Variants in BBX observed in about 807,000 individuals in gnomAD.
The protein encoded by BBX is BBX high mobility group box domain containing.
In BBX, 30 loss-of-function variants were observed where a neutral mutation model predicts 100.2. The observed-to-expected ratio is 0.30, with a 90% CI of 0.22 to 0.41. The LOEUF (loss-of-function observed/expected upper bound fraction) is 0.41. Among genes scored for constraint, BBX ranks in the 10% least tolerant of loss-of-function variants. The pLI is 1.00. For synonymous variants in BBX, 376 were observed against 388.1 expected (o/e 0.97, Z 0.37); for missense variants, 1,023 against 1,129.8 (o/e 0.91, Z 1.35).
intron 3 of BBX, among the ~76,000 whole-genome samples, chr3:107,687,245 T>G (rs989399267): frequency 6.6e-6 from 1 of 152,094 alleles, no homozygotes; most frequent in African/African-American, 2.4e-5. Flanking sequence ...GGAGGGCAGT[T>G]TGCATAAACT....
chr3:107,734,171 A>T (rs2063496004), intron 7 of BBX, among the ~76,000 whole-genome samples: 1 of 152,178 alleles, frequency 6.6e-6, no homozygotes, highest in Admixed American at 6.5e-5. Context: ...ATATAATTAG[A>T]TAATAACCTA....
chr3:107,758,599 G>A (rs1216887872), intron 10 of BBX, among the ~76,000 whole-genome samples: 2 of 152,050 alleles, frequency 1.3e-5, no homozygotes, highest in East Asian at 3.9e-4. Context: ...AAAACAACAA[G>A]ATACTTCCTA....
chr3:107,678,410 A>G (rs1259492467), intron 3 of BBX, among the ~76,000 whole-genome samples: 3 of 152,070 alleles, frequency 2.0e-5, no homozygotes, highest in East Asian at 1.9e-4. Context: ...TTTTGGTTAC[A>G]TGAGTTTAAT....
At chr3:107,800,927 G>C (rs537465828) in intron 16 of BBX, among the ~76,000 whole-genome samples, 168 bp from the exon 17 acceptor site, 1 of 152,204 alleles carries the variant, frequency 6.6e-6, no homozygotes, top group South Asian at 2.1e-4. Context: ...AAAGAGCTTT[G>C]TTACTGAGGA....
intron 7 of BBX, among the ~76,000 whole-genome samples, chr3:107,735,571 C>A (rs1303212808): frequency 2.6e-5 from 4 of 151,862 alleles, no homozygotes; most frequent in Non-Finnish European, 5.9e-5. Context: ...TAGAAAAAGT[C>A]CTCAAAAGAC....
chr3:107,544,820 A>G (rs2049102072), intron 2 of BBX, among the ~76,000 whole-genome samples: 1 of 150,544 alleles, frequency 6.6e-6, no homozygotes, highest in African/African-American at 2.4e-5. Context: ...CCTGGCTAAC[A>G]CAGTGAAACC....
chr3:107,689,703 T>C (rs1219208845), intron 3 of BBX, among the ~76,000 whole-genome samples: 2 of 152,226 alleles, frequency 1.3e-5, no homozygotes, highest in Non-Finnish European at 2.9e-5. Flanking sequence ...AATGGAAGTT[T>C]GGGATTCCTC....
intron 2 of BBX, among the ~76,000 whole-genome samples, chr3:107,642,883 G>A (rs2057301802): frequency 6.6e-6 from 1 of 152,008 alleles, no homozygotes; most frequent in Non-Finnish European, 1.5e-5. Context: ...ATTGAATTAG[G>A]GGTATGTATG....
chr3:107,596,431 G>A (rs1317917905), intron 2 of BBX, among the ~76,000 whole-genome samples: 2 of 152,210 alleles, frequency 1.3e-5, no homozygotes, highest in Non-Finnish European at 2.9e-5. Flanking sequence ...GATAGTTTAA[G>A]AAGGTAATGG....
intron 3 of BBX, among the ~76,000 whole-genome samples, chr3:107,697,552 G>A (rs943386695): frequency 4.0e-5 from 6 of 151,898 alleles, no homozygotes; most frequent in African/African-American, 4.9e-5. Context: ...CAGTCTGCCC[G>A]TTCTCAGATC....
intron 2 of BBX, among the ~76,000 whole-genome samples, chr3:107,617,082 G>A (rs1003288463): frequency 7.9e-5 from 12 of 152,088 alleles, no homozygotes; most frequent in African/African-American, 2.9e-4. Flanking sequence ...GTTGATCTCA[G>A]GTCAAAGTTC....
chr3:107,650,392 C>G lies in BBX; in HGVS notation c.-10+4483C>G, dbSNP rs530645129. ...CAGTTTCATGCCCAAACCATCCCCC[C>G]CACCTCCCCTACCATTCGTGGAAAA... On this transcript the variant is annotated intron_variant, in intron 3 of 17. Transcript: ENST00000325805. Among the ~76,000 whole-genome samples, 7 of 152,178 alleles carry G rather than the reference C, an allele frequency of 4.6e-5. No homozygotes were observed. The East Asian group carries it at 7.7e-4, about 17-fold the overall frequency.
At position 107,774,715 on chromosome 3, in the gene BBX, T is replaced by C. The variant is rs766367048; in HGVS notation, c.1916-4T>C. The stretch of plus-strand genomic sequence containing the variant: ...AACACATCCTTTCTCTTGAATTTTC[T>C]TAGGAAAACGAAGCTCAGGAAAAGG... On this transcript the variant is annotated splice_region_variant and splice_polypyrimidine_tract_variant and intron_variant, in intron 11 of 17. Transcript: ENST00000325805. The C allele has an allele frequency of 5.6e-6, 9 of 1,611,874 alleles. No individual in the cohort carries two copies. The highest frequency in any genetic ancestry group is 7.6e-6 in the Non-Finnish European group (9 of 1,179,044).
At chr3:107,645,427 A>T (rs765690209) in intron 2 of BBX, among the ~76,000 whole-genome samples, 1 of 152,150 alleles carries the variant, frequency 6.6e-6, no homozygotes, top group Non-Finnish European at 1.5e-5. Context: ...TCTGAATCAC[A>T]GTTTATCTAG....
At chr3:107,704,627 A>G (rs746835510) in intron 3 of BBX, among the ~76,000 whole-genome samples, 9 of 152,254 alleles carry the variant, frequency 5.9e-5, no homozygotes, top group Non-Finnish European at 1.3e-4. Flanking sequence ...CTTTAATAAC[A>G]AACCCACTCT....
At chr3:107,802,388 C>T (rs1279055932) in intron 17 of BBX, among the ~76,000 whole-genome samples, 2 of 152,240 alleles carry the variant, frequency 1.3e-5, no homozygotes, top group African/African-American at 4.8e-5. Context: ...TATGTGTACA[C>T]TGCAAGTTCC....
At chr3:107,729,683 C>A (rs1481118545) in intron 6 of BBX, among the ~76,000 whole-genome samples, 1 of 152,080 alleles carries the variant, frequency 6.6e-6, no homozygotes, top group African/African-American at 2.4e-5. Flanking sequence ...GCAGATTGAG[C>A]AGGAGAAAGG....
Position 107,716,613 on chromosome 3 carries a change from C to A in BBX, c.169C>A (p.Leu57Ile), listed in dbSNP as rs754901525. The change falls in exon 5 of 18, where the codon CTT (leucine) becomes ATT (isoleucine). Residue 57 changes from leucine to isoleucine, a missense_variant. By Grantham distance (5) the Leu-to-Ile change is conservative. This residue lies in a region of BBX where 229 missense variants were observed against 226.3 expected (regional missense o/e 1.01). Transcript: ENST00000325805. ...DEEEDIDKVQ[L>I]LGADGLEQDV... ...TTGTTTTTGGTGGTAATAGGTTCAA[C>A]TTCTTGGGGCCGATGGCCTAGAGCA... 1.5e-5 allele frequency: 24 copies of A among 1,613,328 alleles called. No individual in the cohort carries two copies. The highest frequency in any genetic ancestry group is 2.7e-5 in the African/African-American group (2 of 74,896).
chr3:107,654,721 G>A (rs887216941), intron 3 of BBX, among the ~76,000 whole-genome samples: 2 of 151,984 alleles, frequency 1.3e-5, no homozygotes, highest in African/African-American at 4.8e-5. Flanking sequence ...TTGACTGTAG[G>A]GTGATCTCTT....
Sources: gnomAD v4.1 joint callset for allele counts (sites outside exome capture counted in the v4.1 genomes callset) on GRCh38, gnomAD v4.1.1 for gene constraint, gnomAD v4.1.1 regional missense constraint, MANE v1.5 for transcripts, NCBI Gene and HGNC (gene_info 2026-07-23, HGNC 2026-07-21) for gene names.